The following NUP155 variants were observed in gnomAD, a reference collection of about 807,000 sequenced individuals.
NUP155 encodes the protein nuclear pore complex protein Nup155.
Under a neutral mutation model 180.4 loss-of-function variants are expected in NUP155, and 71 were observed. The observed-to-expected ratio is 0.39, with a 90% confidence interval of 0.33 to 0.48. The LOEUF is 0.48. Among genes scored for constraint, NUP155 ranks in the 20% least tolerant of loss-of-function variants. NUP155 has a pLI of 0.91. For missense variants in NUP155, 1,553 were observed against 1,648.9 expected, an observed-to-expected ratio of 0.94 and a Z score of 1.01; for synonymous variants, 582 against 559.5, an observed-to-expected ratio of 1.04 and a Z score of -0.57.
intron 3 of NUP155, among the ~76,000 whole-genome samples, chr5:37,363,513 A>G (rs2111715409): frequency 1.3e-5 from 2 of 152,324 alleles, no homozygotes; most frequent in Middle Eastern, 3.4e-3. Flanking sequence ...AATAAATATC[A>G]CATGCCTACT....
At chr5:37,304,674 TGCTTA>T in intron 27 of NUP155, 60 bp downstream of exon 27, 1 of 1,131,592 alleles carries the variant, frequency 8.8e-7, no homozygotes, top group Non-Finnish European at 1.3e-6. Flanking sequence ...TCTATATATG[TGCTTA>T]AATCATTGAG....
chr5:37,354,239 C>T (rs1746660597), intron 4 of NUP155, among the ~76,000 whole-genome samples: 1 of 147,512 alleles, frequency 6.8e-6, no homozygotes, highest in Non-Finnish European at 1.5e-5. Flanking sequence ...CTCTGCCTCC[C>T]GGGTTCAAGT....
chr5:37,292,035 TCTC>T lies in NUP155; in HGVS notation c.4038_4040del (p.Arg1348del), dbSNP rs764043633. The T allele has an allele frequency of 5.0e-6, 8 of 1,614,078 alleles. No homozygotes were observed. The Admixed American group carries it at 8.3e-5, about 17-fold the overall frequency. On this transcript the variant is annotated inframe_deletion and splice_region_variant, in exon 35 of 35. Coordinates refer to ENST00000231498, the MANE Select transcript of NUP155 (RefSeq NM_153485.3). ...CATCCAGGCAGAGATTTGTAAATCTTCTCCTACAACGAAAAAGACACATGATTA... is the reference window on the plus strand; with the variant it reads ...CATCCAGGCAGAGATTTGTAAATCTTCTACAACGAAAAAGACACATGATTA...
chr5:37,325,811 T>A (rs1162678203), intron 19 of NUP155, 90 bp downstream of exon 19: 1 of 815,656 alleles, frequency 1.2e-6, no homozygotes, highest in African/African-American at 1.7e-5. Context: ...CCATCTTATT[T>A]GTGTAATATC....
chr5:37,335,870 A>G (rs1745298403), intron 12 of NUP155, among the ~76,000 whole-genome samples: 1 of 151,936 alleles, frequency 6.6e-6, no homozygotes, highest in Non-Finnish European at 1.5e-5. Flanking sequence ...GCGGGTGCTG[A>G]GGTAGGAGGA....
intron 25 of NUP155, 35 bp downstream of exon 25, chr5:37,307,262 T>A: frequency 6.3e-7 from 1 of 1,596,754 alleles, no homozygotes. Flanking sequence ...TCTGTATCCA[T>A]AAAGATGACA....
At chr5:37,294,555 G>C in intron 32 of NUP155, 90 bp from the exon 33 acceptor site, 1 of 1,302,884 alleles carries the variant, frequency 7.7e-7, no homozygotes, top group South Asian at 1.2e-5. Flanking sequence ...GTTTCTAGGG[G>C]GATATCTTCT....
chr5:37,303,451 C>A lies in NUP155; in HGVS notation c.3163-37G>T, dbSNP rs1433019500. The stretch of plus-strand genomic sequence containing the variant: ...ATAGTTATTCAGAAAAATTTTCTAA[C>A]CACCTACAGATAATGTTCCTGATAA... On this transcript the variant is annotated intron_variant, in intron 27 of 34. Coordinates refer to ENST00000231498, the MANE Select transcript of NUP155 (RefSeq NM_153485.3). 3.2e-6 allele frequency: 5 copies of A among 1,548,832 alleles called. No individual in the cohort carries two copies. In the South Asian group the frequency reaches 5.6e-5, roughly 17 times the overall value.
intron 12 of NUP155, among the ~76,000 whole-genome samples, chr5:37,334,806 TA>T (rs367847816): frequency 9.8e-5 from 15 of 152,342 alleles, no homozygotes; most frequent in African/African-American, 3.6e-4. Flanking sequence ...ACCAAGTAAC[TA>T]CCTTCTACCA....
chr5:37,341,104 G>A lies in NUP155; in HGVS notation c.1232C>T (p.Ala411Val). Residue 411 changes from alanine (A) to valine (V), a missense_variant, in exon 11 of 35, where the codon GCT (alanine) becomes GTT (valine). Coordinates refer to ENST00000231498, the MANE Select transcript of NUP155 (RefSeq NM_153485.3). ...TVEKPSKVHR[A>V]LYSKGILLMA... ...TCAGAACTTACCTTTACTATAAAGA[G>A]CTCTATGTACTTTTGAAGGCTTTTC... 6.2e-7 allele frequency: 1 copy of A among 1,612,232 alleles called. No homozygotes were observed. The highest frequency in any genetic ancestry group is 2.2e-5 in the East Asian group (1 of 44,860).
chr5:37,348,444 T>A, intron 9 of NUP155, 61 bp downstream of exon 9: 1 of 1,031,912 alleles, frequency 9.7e-7, no homozygotes, highest in South Asian at 1.3e-5. Context: ...TTTAGAAGGC[T>A]ACACACAAAT....
At chr5:37,331,634 C>T (rs1261733577) in intron 14 of NUP155, 51 bp downstream of exon 14, 1 of 962,568 alleles carries the variant, frequency 1.0e-6, no homozygotes, top group Non-Finnish European at 1.6e-6. Flanking sequence ...ACTATGACTC[C>T]CACTGTTTGT....
At position 37,305,142 on chromosome 5, in the gene NUP155, T is replaced by G. The variant is rs559678530; in HGVS notation, c.2972A>C (p.Gln991Pro). 1 of 1,613,938 alleles carries G rather than the reference T, an allele frequency of 6.2e-7. No individual in the cohort carries two copies. The highest frequency in any genetic ancestry group is 2.2e-5 in the East Asian group (1 of 44,884). ...ELVNQSKAAP[Q>P]SPSVPKKPGP... ...AGGTTTTTTGGGTACACTGGGAGAC[T>G]GAGGAGCGGCCTTACTTTGATTTAC... Residue 991 changes from glutamine (Q) to proline (P), a missense_variant, in exon 26 of 35, where the codon CAG becomes CCG. Gln to Pro is a moderately conservative substitution (Grantham distance 76). Coordinates refer to ENST00000231498, the MANE Select transcript of NUP155 (RefSeq NM_153485.3).
rs533188619 is a variant in NUP155 at position 37,346,744 on chromosome 5, T to C, written c.995+1761A>G. On this transcript the variant is annotated intron_variant, in intron 9 of 34. Transcript: ENST00000231498. ...TAGTTGGGATATGTGCAAATGGTAA[T>C]GCAGATTGTCTGAAGACTTGGCTTC... Among the ~76,000 whole-genome samples, 4 of 152,226 alleles carry C rather than the reference T, an allele frequency of 2.6e-5. No individual in the cohort carries two copies. The South Asian group carries it at 6.2e-4, about 24-fold the overall frequency.
At chr5:37,292,221 T>C (rs905611072) in intron 34 of NUP155, among the ~76,000 whole-genome samples, 183 bp from the exon 35 acceptor site, 3 of 151,766 alleles carry the variant, frequency 2.0e-5, no homozygotes, top group African/African-American at 7.3e-5. Flanking sequence ...TTGAAGATTT[T>C]TTTTTTTTTT....
rs369449800 is a variant in NUP155, at chr5:37,330,458, C to A, written c.1630-326G>T. ...TTAAGTGGTAACACTGAATACCTAC[C>A]ATGTGTCAGGTACTATTTTAAGAGT... is the stretch of plus-strand genomic sequence containing the variant. On this transcript the variant is annotated intron_variant, in intron 14 of 34. Transcript: ENST00000231498. 2.6e-4 allele frequency among the ~76,000 whole-genome samples: 39 copies of A among 152,278 alleles called. No homozygotes were observed. In the East Asian group the frequency reaches 7.3e-3, roughly 29 times the overall value.
At chr5:37,306,838 T>G (rs1743184449) in intron 25 of NUP155, among the ~76,000 whole-genome samples, 1 of 152,004 alleles carries the variant, frequency 6.6e-6, no homozygotes, top group Non-Finnish European at 1.5e-5. Context: ...AAATTATCCT[T>G]TAAAATGAAA....
At chr5:37,351,866 G>C (rs921438688) in intron 5 of NUP155, among the ~76,000 whole-genome samples, 12 of 143,658 alleles carry the variant, frequency 8.4e-5, no homozygotes, top group African/African-American at 3.4e-4. Context: ...CCTGCAGAGT[G>C]TGTGAGTGTG....
chr5:37,308,543 A>T (rs1743313406), intron 24 of NUP155, among the ~76,000 whole-genome samples: 1 of 151,764 alleles, frequency 6.6e-6, no homozygotes, highest in South Asian at 2.1e-4. Context: ...TAAAAATACA[A>T]AAAAATTAGC....
Sources: gnomAD v4.1 joint callset for allele counts (sites outside exome capture counted in the v4.1 genomes callset) on GRCh38, gnomAD v4.1.1 for gene constraint, MANE v1.5 for transcripts, NCBI Gene and HGNC (gene_info 2026-07-23, HGNC 2026-07-21) for gene names.